The following ATP8B1 variants were observed in gnomAD, a reference collection of about 807,000 sequenced individuals.
The protein encoded by ATP8B1 is phospholipid-transporting ATPase IC.
ATP8B1 carries 80 observed loss-of-function variants against 149.9 expected under a neutral mutation model. The observed-to-expected ratio is 0.53, with a 90% CI of 0.45 to 0.64. The LOEUF (loss-of-function observed/expected upper bound fraction) is 0.64, where lower values mean the gene tolerates loss of function less well. Among genes scored for constraint, ATP8B1 ranks in the 30% least tolerant of loss-of-function variants. ATP8B1 has a pLI of 0.00. For missense variants in ATP8B1, 1,247 were observed against 1,552.6 expected (o/e 0.80, Z 3.31); for synonymous variants, 536 against 562.8 (o/e 0.95, Z 0.67).
intron 20 of ATP8B1, among the ~76,000 whole-genome samples, chr18:57,663,737 A>ATG (rs1285332441): frequency 6.7e-5 from 10 of 150,092 alleles, no homozygotes; most frequent in Non-Finnish European, 1.2e-4. Context: ...CTTTGGAAAA[A>ATG]TGTCTACTCA....
Position 57,695,208 on chromosome 18 carries a change from C to T in ATP8B1, c.903G>A (p.Arg301=), listed in dbSNP as rs762363452. 3.3e-5 allele frequency: 54 copies of T among 1,613,972 alleles called. No homozygotes were observed. The highest frequency in any genetic ancestry group is 4.4e-5 in the Non-Finnish European group (52 of 1,180,020). The change falls in exon 10 of 28, where the codon AGG becomes AGA. Residue 301 remains arginine, a synonymous_variant. Coordinates refer to ENST00000648908, the MANE Select transcript of ATP8B1 (RefSeq NM_001374385.1). ...CTAAGCCGTGGCAGAAATCGGTGTT[C>T]CTAATTACACAGCCACGTAACAAAA... ...DKILLRGCVI[R]NTDFCHGLVI... is the part of the protein sequence containing the mutation.
intron 1 of ATP8B1, among the ~76,000 whole-genome samples, chr18:57,745,301 T>G (rs1025618664): frequency 3.0e-4 from 46 of 152,294 alleles, no homozygotes; most frequent in African/African-American, 1.1e-3. Flanking sequence ...AGACAGTGTC[T>G]TGCTCTGTCA....
intron 22 of ATP8B1, among the ~76,000 whole-genome samples, chr18:57,656,946 T>G (rs1371836623): frequency 1.3e-5 from 2 of 151,990 alleles, no homozygotes; most frequent in Non-Finnish European, 2.9e-5. Flanking sequence ...AGGCCTGGCT[T>G]CTTCTTGGAC....
rs1482916779 is a variant in ATP8B1, at chr18:57,648,137, C to T, written c.*351G>A. The T allele has an allele frequency of 2.6e-6, 1 of 388,626 alleles. No homozygotes were observed. The highest frequency in any genetic ancestry group is 3.7e-5 in the Admixed American group (1 of 27,220). 24.1% of individuals were successfully genotyped at this position (388,626 alleles called of 1,614,324 possible). On this transcript the variant is annotated 3_prime_UTR_variant, in exon 28 of 28. Coordinates refer to ENST00000648908, the MANE Select transcript of ATP8B1 (RefSeq NM_001374385.1). ...AAATAGGTGGGATTACGGGTGCCCA[C>T]CACCAAGCCCGGCTAATTTTTAATT...
chr18:57,791,346 C>CTTTTTTTTTTTTTTTTTTTTTTT (rs1473257768), intron 1 of ATP8B1, among the ~76,000 whole-genome samples: 2 of 124,970 alleles, frequency 1.6e-5, no homozygotes, highest in African/African-American at 6.8e-5. Flanking sequence ...TTTTTCTTTT[C>CTTTTTTTTTTTTTTTTTTTTTTT]TTTTCTTTTT....
In ATP8B1 at chr18:57,654,336, T is replaced by G. The variant is rs567646451; in HGVS notation, c.2932-261A>C. 5.3e-5 allele frequency among the ~76,000 whole-genome samples: 8 copies of G among 151,708 alleles called. No homozygotes were observed. The East Asian group carries it at 1.6e-3, about 30-fold the overall frequency. On this transcript the variant is annotated intron_variant, in intron 23 of 27. Coordinates refer to ENST00000648908, the MANE Select transcript of ATP8B1 (RefSeq NM_001374385.1). ...ATCAATATTCTTTTTTTTTTTCTTC[T>G]GAGACAGAGTCTCACTCTGTCGCCC...
At chr18:57,747,448 T>G (rs1468873725) in intron 1 of ATP8B1, among the ~76,000 whole-genome samples, 6 of 84,394 alleles carry the variant, frequency 7.1e-5, no homozygotes, top group Admixed American at 1.2e-4. Flanking sequence ...AGCAAAACTC[T>G]ATCTCAAAAA....
At chr18:57,781,873 C>T (rs2080360446) in intron 1 of ATP8B1, among the ~76,000 whole-genome samples, 2 of 152,282 alleles carry the variant, frequency 1.3e-5, no homozygotes, top group African/African-American at 4.8e-5. Flanking sequence ...TAGTCCTAGC[C>T]ACTCAGGAGG....
intron 1 of ATP8B1, among the ~76,000 whole-genome samples, chr18:57,734,826 A>G (rs1276425494): frequency 6.6e-6 from 1 of 152,170 alleles, no homozygotes; most frequent in Non-Finnish European, 1.5e-5. Flanking sequence ...TCCTGGTGAG[A>G]GACAGGGCTA....
Position 57,669,042 on chromosome 18 carries a change from A to T in ATP8B1, c.2097+276T>A, listed in dbSNP as rs1388972461. The T allele has an allele frequency of 1.1e-5, 3 of 262,898 alleles. No homozygotes were observed. In the Admixed American group the frequency reaches 1.5e-4, roughly 13 times the overall value. 16.3% of individuals were successfully genotyped at this position (262,898 alleles called of 1,614,324 possible). ...ATTAGATGCAGGTTTGTTATTGTTT[A>T]AAAATTATAATAAATTTTAATAAGT... On this transcript the variant is annotated intron_variant, in intron 18 of 27. Transcript: ENST00000648908.
At chr18:57,707,052 A>C (rs555776997) in intron 2 of ATP8B1, among the ~76,000 whole-genome samples, 45 of 152,210 alleles carry the variant, frequency 3.0e-4, no homozygotes, top group Non-Finnish European at 6.2e-4. Context: ...CACGCCTGTA[A>C]TCCCAGCACT....
intron 2 of ATP8B1, among the ~76,000 whole-genome samples, chr18:57,715,850 T>A (rs2079578627): frequency 1.3e-5 from 2 of 152,110 alleles, no homozygotes; most frequent in African/African-American, 4.8e-5. Flanking sequence ...AGTACATTAA[T>A]CAGAAAGTAA....
Position 57,691,929 on chromosome 18 carries a change from C to T in ATP8B1, c.1098G>A (p.Val366=). Residue 366 remains valine (V), a synonymous_variant, in exon 12 of 28, where the codon GTG becomes GTA. Transcript: ENST00000648908. The part of the protein sequence containing the change: ...AIGHAYWEAQ[V]GNSSWYLYDG... ...CATAGAGGTACCAAGAGGAATTGCC[C>T]ACCTGTGCTTCCCAATAAGCATGGC... 6.2e-7 allele frequency: 1 copy of T among 1,614,170 alleles called. No individual in the cohort carries two copies. Among genetic ancestry groups the T allele is most frequent in the African/African-American group, 1.3e-5 (1 of 75,042 alleles).
At chr18:57,709,532 G>A (rs79265384) in intron 2 of ATP8B1, among the ~76,000 whole-genome samples, 1,835 of 152,302 alleles carry the variant, frequency 0.012, 40 homozygotes, top group African/African-American at 0.042. Context: ...AAAACAGCAC[G>A]TGGAGGAATT....
intron 1 of ATP8B1, among the ~76,000 whole-genome samples, chr18:57,766,953 T>C (rs936231576): frequency 2.0e-5 from 3 of 152,112 alleles, no homozygotes; most frequent in South Asian, 4.1e-4. Flanking sequence ...ACAGAGCATT[T>C]CAGGTGGAGA....
Position 57,648,236 on chromosome 18 carries a change from T to C in ATP8B1, c.*252A>G. On this transcript the variant is annotated 3_prime_UTR_variant, in exon 28 of 28. Transcript: ENST00000648908. ...CCTGGCCTCAGGTGATCTCCCCTCC[T>C]CAGCCTCCTAAAGTGCTGGGATTAC... 1.7e-6 allele frequency: 1 copy of C among 576,772 alleles called. No individual in the cohort carries two copies. Among genetic ancestry groups the C allele is most frequent in the Non-Finnish European group, 3.1e-6 (1 of 321,690 alleles). The allele number at this position is 576,772 out of a possible 1,614,324, so 35.7% of individuals were successfully genotyped here. A position where few individuals can be genotyped will look rare whatever the true frequency, so the allele number is the denominator to read the frequency against.
At chr18:57,772,053 C>T (rs2080268564) in intron 1 of ATP8B1, among the ~76,000 whole-genome samples, 1 of 152,100 alleles carries the variant, frequency 6.6e-6, no homozygotes, top group Non-Finnish European at 1.5e-5. Context: ...ATCCTAAAAA[C>T]AAAACAAAAA....
chr18:57,738,831 C>T (rs918678016), intron 1 of ATP8B1, among the ~76,000 whole-genome samples: 2 of 151,970 alleles, frequency 1.3e-5, no homozygotes, highest in African/African-American at 4.8e-5. Flanking sequence ...CATTCTCCTG[C>T]TTACACCCTT....
At chr18:57,686,270 A>G (rs1157830639) in intron 13 of ATP8B1, among the ~76,000 whole-genome samples, 3 of 152,108 alleles carry the variant, frequency 2.0e-5, no homozygotes, top group Non-Finnish European at 4.4e-5. Context: ...CTCAAAAACA[A>G]AAACAACAAA....
Sources: gnomAD v4.1 joint callset for allele counts (sites outside exome capture counted in the v4.1 genomes callset) on GRCh38, gnomAD v4.1.1 for gene constraint, MANE v1.5 for transcripts, NCBI Gene and HGNC (gene_info 2026-07-23, HGNC 2026-07-21) for gene names.